SAMSN1: variants seen among roughly 807,000 people sequenced by gnomAD.
The protein encoded by SAMSN1 is SAM domain-containing protein SAMSN-1.
A neutral mutation model predicts 42.0 loss-of-function variants in SAMSN1; 31 were observed. The ratio of observed to expected loss-of-function variants is 0.74; its 90% CI spans 0.55 to 1.00. The LOEUF (loss-of-function observed/expected upper bound fraction) is 1.00. Ranked by LOEUF, SAMSN1 falls within the 50% of genes least tolerant of loss-of-function variation. The pLI is 0.00. For synonymous variants in SAMSN1, 178 were observed against 151.9 expected, an observed-to-expected ratio of 1.17 and a Z score of -1.26; for missense variants, 464 against 439.4, an observed-to-expected ratio of 1.06 and a Z score of -0.50.
rs767984377 is a variant in SAMSN1, at chr21:14,510,297, G to C, written c.561+13C>G. On this transcript the variant is annotated intron_variant, in intron 5 of 7. Transcript: ENST00000400566. The stretch of plus-strand genomic sequence containing the variant: ...ACAGACCATTCAGAAGGTGGGATAT[G>C]ATGTCCTCTCACCTTGATTTTGAGG... 3.7e-6 allele frequency: 6 copies of C among 1,612,824 alleles called. No homozygotes were observed. Among genetic ancestry groups the C allele is most frequent in the Non-Finnish European group, 5.1e-6 (6 of 1,178,782 alleles).
chr21:14,512,962 TCTGATC>T (rs1987753559), intron 3 of SAMSN1, among the ~76,000 whole-genome samples: 1 of 152,222 alleles, frequency 6.6e-6, no homozygotes, highest in Non-Finnish European at 1.5e-5. Flanking sequence ...TCCATTGAGA[TCTGATC>T]CTACAAGCTT....
intron 2 of SAMSN1, among the ~76,000 whole-genome samples, chr21:14,627,567 C>T (rs1983215737): frequency 1.3e-5 from 2 of 152,168 alleles, no homozygotes; most frequent in Non-Finnish European, 2.9e-5. Flanking sequence ...AGACTATTCT[C>T]ACACATACTT....
In SAMSN1 at chr21:14,645,404, C is replaced by T. The variant is rs542405705; in HGVS notation, c.25-2271G>A. On this transcript the variant is annotated intron_variant, in intron 1 of 15. Coordinates refer to the SAMSN1 transcript ENST00000647101. ...TCCAGGGAGTTCTCCCATATCTGGT[C>T]GAAAACCATCAATGAGGTACTTTGA... is the stretch of plus-strand genomic sequence containing the variant. 6.6e-5 allele frequency among the ~76,000 whole-genome samples: 10 copies of T among 152,336 alleles called. No individual in the cohort carries two copies. The South Asian group carries it at 1.0e-3, about 16-fold the overall frequency.
At chr21:14,496,853 A>G (rs180726216) in intron 7 of SAMSN1, among the ~76,000 whole-genome samples, 315 of 152,334 alleles carry the variant, frequency 2.1e-3, no homozygotes, top group Non-Finnish European at 3.4e-3. Flanking sequence ...TTGGAAAAGG[A>G]TGATAAGAAT....
At chr21:14,587,609 C>A (rs1166652344), upstream of SAMSN1, among the ~76,000 whole-genome samples, 1 of 152,100 alleles carries the variant, frequency 6.6e-6, no homozygotes, top group East Asian at 1.9e-4. Flanking sequence ...CATGCATGCA[C>A]ACATACCACT....
chr21:14,493,309 A>G (rs934120264), intron 7 of SAMSN1, among the ~76,000 whole-genome samples: 13 of 152,162 alleles, frequency 8.5e-5, no homozygotes, highest in African/African-American at 2.4e-5. Context: ...TTATTCTGTT[A>G]CTTTGTTTTC....
intron 1 of SAMSN1, among the ~76,000 whole-genome samples, chr21:14,652,693 G>T (rs1374164734): frequency 6.6e-6 from 1 of 151,702 alleles, no homozygotes; most frequent in Non-Finnish European, 1.5e-5. Flanking sequence ...AAATCGTCTC[G>T]TATGTTGAAA....
chr21:14,488,912 G>A lies in SAMSN1; in HGVS notation c.920-2798C>T, dbSNP rs1177775186. On this transcript the variant is annotated intron_variant, in intron 7 of 7. Transcript: ENST00000400566. ...TCTCAACTGTAACTATAAAAAGGCA[G>A]GTCATTATGTTATATTACGGAGATG... Among the ~76,000 whole-genome samples the A allele has an allele frequency of 2.0e-5, 3 of 152,104 alleles. No homozygotes were observed. The East Asian group carries it at 5.8e-4, about 29-fold the overall frequency.
intron 6 of SAMSN1, among the ~76,000 whole-genome samples, chr21:14,599,485 A>G (rs1982371133): frequency 6.6e-6 from 1 of 152,178 alleles, no homozygotes; most frequent in Non-Finnish European, 1.5e-5. Context: ...TCTTTCCTTT[A>G]TAAATTACTT....
chr21:14,581,090 C>T (rs1187888794), intron 2 of SAMSN1, among the ~76,000 whole-genome samples: 1 of 152,006 alleles, frequency 6.6e-6, no homozygotes, highest in Non-Finnish European at 1.5e-5. Context: ...AAAAGTAGCA[C>T]AGCCAGAATC....
chr21:14,609,888 C>T (rs1982661007), intron 4 of SAMSN1, among the ~76,000 whole-genome samples: 1 of 152,170 alleles, frequency 6.6e-6, no homozygotes, highest in South Asian at 2.1e-4. Flanking sequence ...TTCATAGACA[C>T]TTATCACTTC....
chr21:14,614,501 A>C (rs1258144293), intron 3 of SAMSN1, among the ~76,000 whole-genome samples: 1 of 151,996 alleles, frequency 6.6e-6, no homozygotes, highest in Non-Finnish European at 1.5e-5. Flanking sequence ...CTCATCACTA[A>C]CTGTTACAGC....
At chr21:14,491,919 G>C (rs1299141116) in intron 7 of SAMSN1, among the ~76,000 whole-genome samples, 1 of 152,108 alleles carries the variant, frequency 6.6e-6, no homozygotes, top group Non-Finnish European at 1.5e-5. Context: ...GTGCATATTA[G>C]TGATCTACAA....
intron 5 of SAMSN1, among the ~76,000 whole-genome samples, chr21:14,510,001 T>C (rs1038395777): frequency 2.6e-5 from 4 of 151,850 alleles, no homozygotes; most frequent in Non-Finnish European, 4.4e-5. Flanking sequence ...TAGCCGGGCG[T>C]GGTGGCGGGC....
At chr21:14,610,151 G>A (rs1039989264) in intron 4 of SAMSN1, among the ~76,000 whole-genome samples, 2 of 152,134 alleles carry the variant, frequency 1.3e-5, no homozygotes, top group African/African-American at 4.8e-5. Context: ...GCATGATGGA[G>A]CCATATTTCT....
At chr21:14,549,947 T>C (rs1325024268), upstream of SAMSN1, among the ~76,000 whole-genome samples, 1 of 152,104 alleles carries the variant, frequency 6.6e-6, no homozygotes, top group African/African-American at 2.4e-5. Flanking sequence ...AAACTCTTTC[T>C]TTCTCAGTGT....
upstream of SAMSN1, among the ~76,000 whole-genome samples, chr21:14,547,341 A>C (rs900722838): frequency 3.3e-5 from 5 of 152,180 alleles, no homozygotes; most frequent in Admixed American, 6.5e-5. Context: ...CAAATAAAAC[A>C]CCCAGAACCT....
At chr21:14,490,211 T>A (rs1163690669) in intron 7 of SAMSN1, among the ~76,000 whole-genome samples, 1 of 152,104 alleles carries the variant, frequency 6.6e-6, no homozygotes, top group African/African-American at 2.4e-5. Context: ...TAAAGGAATC[T>A]CTCAATAAAT....
intron 1 of SAMSN1, among the ~76,000 whole-genome samples, chr21:14,525,175 T>C (rs1229348912): frequency 6.6e-6 from 1 of 152,210 alleles, no homozygotes; most frequent in East Asian, 1.9e-4. Flanking sequence ...TGATCATCAA[T>C]GGCCACTAAA....
Sources: allele counts gnomAD v4.1 joint callset (sites outside exome capture counted in the v4.1 genomes callset), GRCh38; gene constraint gnomAD v4.1.1; transcripts MANE v1.5; gene names NCBI Gene and HGNC (gene_info 2026-07-23, HGNC 2026-07-21).